Variants in SEC22A observed in about 807,000 individuals in gnomAD.
SEC22A encodes vesicle-trafficking protein SEC22a.
SEC22A carries 22 observed loss-of-function variants against 35.3 expected under a neutral mutation model. The ratio of observed to expected loss-of-function variants is 0.62; its 90% CI spans 0.45 to 0.89. The LOEUF (loss-of-function observed/expected upper bound fraction) is 0.89, where lower values mean the gene tolerates loss of function less well. Among genes scored for constraint, SEC22A ranks in the 40% least tolerant of loss-of-function variants. The pLI is 0.00. For synonymous variants in SEC22A, 119 were observed against 129.5 expected, an observed-to-expected ratio of 0.92 and a Z score of 0.55; for missense variants, 354 against 362.5, an observed-to-expected ratio of 0.98 and a Z score of 0.19.
chr3:123,250,551 G>A (rs1242507943), intron 5 of SEC22A, among the ~76,000 whole-genome samples: 1 of 152,206 alleles, frequency 6.6e-6, no homozygotes, highest in Non-Finnish European at 1.5e-5. Flanking sequence ...CCACTCTTAG[G>A]AAGCAGTGGA....
intron 6 of SEC22A, among the ~76,000 whole-genome samples, chr3:123,267,606 CAA>C (rs1477031707): frequency 6.6e-6 from 1 of 152,082 alleles, no homozygotes; most frequent in African/African-American, 2.4e-5. Flanking sequence ...TTAGAAAACT[CAA>C]GAGGAAAAGG....
intron 4 of SEC22A, among the ~76,000 whole-genome samples, chr3:123,226,337 C>G (rs747729649): frequency 6.6e-6 from 1 of 152,312 alleles, no homozygotes; most frequent in Non-Finnish European, 1.5e-5. Context: ...TCCCTTTCTT[C>G]CACGTCATCA....
chr3:123,237,902 A>G (rs1444725712), intron 4 of SEC22A, among the ~76,000 whole-genome samples: 1 of 152,184 alleles, frequency 6.6e-6, no homozygotes, highest in Non-Finnish European at 1.5e-5. Flanking sequence ...CTGTAATCCC[A>G]GCACTTGAGG....
At chr3:123,215,897 T>C (rs1034723109) in intron 2 of SEC22A, among the ~76,000 whole-genome samples, 1 of 152,128 alleles carries the variant, frequency 6.6e-6, no homozygotes, top group Non-Finnish European at 1.5e-5. Flanking sequence ...GAACAGAGTA[T>C]GTGTGAATCC....
intron 4 of SEC22A, chr3:123,243,850 T>C (rs1158168757): frequency 1.3e-5 from 2 of 152,228 alleles, no homozygotes; most frequent in Non-Finnish European, 2.9e-5. Flanking sequence ...TGGTACATTT[T>C]CAGAAACATT....
At chr3:123,237,558 T>C (rs941013174) in intron 4 of SEC22A, among the ~76,000 whole-genome samples, 2 of 152,166 alleles carry the variant, frequency 1.3e-5, no homozygotes, top group African/African-American at 4.8e-5. Context: ...GATATTTGGA[T>C]TGGGGGAGCT....
rs1315680249 is a variant in SEC22A at position 123,246,108 on chromosome 3, T to C, written c.657+94T>C. The C allele has an allele frequency of 5.9e-6, 4 of 675,534 alleles. No homozygotes were observed. In the East Asian group the frequency reaches 1.0e-4, roughly 17 times the overall value. The allele number at this position is 675,534 out of a possible 1,614,324, so 41.8% of individuals were successfully genotyped here. ...AATTGGATTGGGTATTAGTATAATTTACAGTGCATACTCAAAATCTATGTT... is the reference window on the plus strand; with the variant it reads ...AATTGGATTGGGTATTAGTATAATTCACAGTGCATACTCAAAATCTATGTT... On this transcript the variant is annotated intron_variant, in intron 5 of 6. Transcript: ENST00000492595.
intron 4 of SEC22A, among the ~76,000 whole-genome samples, chr3:123,245,289 G>A (rs1457700010): frequency 2.6e-5 from 4 of 152,160 alleles, no homozygotes; most frequent in Admixed American, 2.6e-4. Context: ...TCACCTACCT[G>A]CAAATAGTAG....
intron 2 of SEC22A, among the ~76,000 whole-genome samples, chr3:123,217,966 A>G (rs1224364648): frequency 6.6e-6 from 1 of 152,260 alleles, no homozygotes; most frequent in Non-Finnish European, 1.5e-5. Context: ...TTGGTGCAAC[A>G]GGCCAGAATT....
At chr3:123,248,298 A>G (rs1937582450) in intron 5 of SEC22A, among the ~76,000 whole-genome samples, 1 of 152,232 alleles carries the variant, frequency 6.6e-6, no homozygotes, top group Admixed American at 6.5e-5. Context: ...ATGACTAAGT[A>G]GGATATTGTT....
intron 5 of SEC22A, among the ~76,000 whole-genome samples, chr3:123,253,855 A>G (rs1002852611): frequency 1.3e-5 from 2 of 152,012 alleles, no homozygotes; most frequent in Non-Finnish European, 2.9e-5. Flanking sequence ...TTCTGATTAT[A>G]TGCTAATTCA....
intron 6 of SEC22A, among the ~76,000 whole-genome samples, chr3:123,270,802 CCACT>C (rs1180184894): frequency 6.6e-6 from 1 of 152,104 alleles, no homozygotes. Context: ...AAAATAGCAC[CCACT>C]ATCATTCTTA....
At chr3:123,228,249 T>C (rs938504722) in intron 4 of SEC22A, among the ~76,000 whole-genome samples, 10 of 151,520 alleles carry the variant, frequency 6.6e-5, no homozygotes, top group Admixed American at 6.6e-4. Flanking sequence ...CAATTTCCAG[T>C]AAATTATAAG....
At chr3:123,228,336 G>A (rs1208087643) in intron 4 of SEC22A, among the ~76,000 whole-genome samples, 3 of 151,136 alleles carry the variant, frequency 2.0e-5, no homozygotes, top group Non-Finnish European at 4.4e-5. Context: ...AGGCCAAGGC[G>A]GGCGGATCTC....
chr3:123,210,024 A>G (rs1197474603), intron 2 of SEC22A, among the ~76,000 whole-genome samples: 1 of 152,242 alleles, frequency 6.6e-6, no homozygotes, highest in African/African-American at 2.4e-5. Context: ...TGGACAATTA[A>G]TAGAGTTGCA....
intron 2 of SEC22A, among the ~76,000 whole-genome samples, chr3:123,213,121 G>GT (rs1270032248): frequency 6.6e-6 from 1 of 152,142 alleles, no homozygotes; most frequent in African/African-American, 2.4e-5. Flanking sequence ...GTCTATGCAT[G>GT]TTTTTTTGTA....
chr3:123,232,163 G>A (rs1937336112), intron 4 of SEC22A, among the ~76,000 whole-genome samples: 1 of 152,118 alleles, frequency 6.6e-6, no homozygotes, highest in South Asian at 2.1e-4. Flanking sequence ...TGCTTAAAAC[G>A]TGGGAGGTGG....
chr3:123,220,332 CAGGTTATTG>C (rs1439272603), intron 2 of SEC22A, among the ~76,000 whole-genome samples: 2 of 152,074 alleles, frequency 1.3e-5, no homozygotes, highest in Non-Finnish European at 2.9e-5. Context: ...CAATTGTCTT[CAGGTTATTG>C]AGGTTATTAT....
chr3:123,258,441 A>G (rs533854292), intron 5 of SEC22A, among the ~76,000 whole-genome samples: 1 of 152,286 alleles, frequency 6.6e-6, no homozygotes, highest in Admixed American at 6.5e-5. Context: ...TAAAGAAAAA[A>G]TAATCAAGCA....
Sources: allele counts gnomAD v4.1 joint callset (sites outside exome capture counted in the v4.1 genomes callset), GRCh38; gene constraint gnomAD v4.1.1; transcripts MANE v1.5; gene names NCBI Gene and HGNC (gene_info 2026-07-23, HGNC 2026-07-21).